Variants in ACO1 observed in about 807,000 individuals in gnomAD.
ACO1 encodes the protein aconitase 1.
A neutral mutation model predicts 105.1 loss-of-function variants in ACO1; 78 were observed. The observed-to-expected ratio is 0.74, with a 90% CI of 0.62 to 0.90. ACO1 has a LOEUF of 0.90. Ranked by LOEUF, ACO1 falls within the 40% of genes least tolerant of loss-of-function variation. The pLI, the probability that ACO1 is intolerant of heterozygous loss-of-function variation, is 0.00. For missense variants in ACO1, 965 were observed against 1,111.1 expected (o/e 0.87, Z 1.87); for synonymous variants, 364 against 397.4 (o/e 0.92, Z 1.00).
intron 8 of ACO1, among the ~76,000 whole-genome samples, chr9:32,422,931 T>C (rs1822007170): frequency 6.6e-6 from 1 of 152,178 alleles, no homozygotes; most frequent in Admixed American, 6.5e-5. Context: ...ATTTTAACGG[T>C]AATCATGTGG....
chr9:32,388,081 C>A (rs1055109908), intron 1 of ACO1, among the ~76,000 whole-genome samples: 2 of 152,182 alleles, frequency 1.3e-5, no homozygotes, highest in Admixed American at 1.3e-4. Context: ...ACATATGGGT[C>A]TTATTCCCAA....
intron 12 of ACO1, among the ~76,000 whole-genome samples, chr9:32,428,281 C>A (rs919388646): frequency 2.3e-3 from 255 of 110,468 alleles, no homozygotes; most frequent in South Asian, 3.1e-3. Context: ...GACCCTGTCT[C>A]AAAAAAAAAA....
chr9:32,440,363 C>G, intron 18 of ACO1, 102 bp from the exon 19 acceptor site: 1 of 1,318,734 alleles, frequency 7.6e-7, no homozygotes, highest in Non-Finnish European at 1.1e-6. Flanking sequence ...CGGATTTGGC[C>G]ATCTGCAAAC....
At chr9:32,441,600 A>G (rs1028286364) in intron 19 of ACO1, among the ~76,000 whole-genome samples, 8 of 139,240 alleles carry the variant, frequency 5.7e-5, no homozygotes, top group African/African-American at 1.9e-4. Context: ...TCTTTTCTGG[A>G]AACTATTGAA....
chr9:32,430,305 A>C, intron 13 of ACO1, 113 bp from the exon 14 acceptor site: 1 of 1,070,044 alleles, frequency 9.3e-7, no homozygotes, highest in Non-Finnish European at 1.3e-6. Flanking sequence ...ACCAAGTGAA[A>C]GGGCAGCTTA....
At chr9:32,442,693 C>T (rs1195701588) in intron 19 of ACO1, among the ~76,000 whole-genome samples, 3 of 152,136 alleles carry the variant, frequency 2.0e-5, no homozygotes, top group East Asian at 1.9e-4. Flanking sequence ...TGCTGATACA[C>T]CTAAAATAGT....
chr9:32,403,883 T>C lies in ACO1; in HGVS notation c.-22-1602T>C, dbSNP rs10970962. ...CAAAACAGCAGTTTTATTGTTGCAG[T>C]TGCTACTGTTTGAGGGTGAAAAAGG... is the stretch of plus-strand genomic sequence containing the variant. On this transcript the variant is annotated intron_variant, in intron 1 of 20. Transcript: ENST00000309951. 2.6e-5 allele frequency among the ~76,000 whole-genome samples: 4 copies of C among 152,332 alleles called. No individual in the cohort carries two copies. The East Asian group carries it at 7.7e-4, about 29-fold the overall frequency.
intron 4 of ACO1, among the ~76,000 whole-genome samples, chr9:32,413,206 G>A (rs1821776820): frequency 6.6e-6 from 1 of 152,142 alleles, no homozygotes; most frequent in Admixed American, 6.5e-5. Context: ...GTGAACACTA[G>A]CCGGGGCGGT....
chr9:32,423,399 C>A lies in ACO1; in HGVS notation c.1051C>A (p.Gln351Lys), dbSNP rs537657112. The change falls in exon 9 of 21, where the codon CAA becomes AAA. Residue 351 changes from glutamine to lysine, a missense_variant. Physicochemically the swap from Gln to Lys is moderately conservative, Grantham distance 53. Coordinates refer to ENST00000309951, the MANE Select transcript of ACO1 (RefSeq NM_002197.3). ...GTTTCGAGATTTCAATGACCCTTCT[C>A]AAGACCCAGACTTCACCCAGGTATG... ...GMFRDFNDPS[Q>K]DPDFTQVVEL... is the part of the protein sequence containing the mutation. The A allele has an allele frequency of 5.6e-6, 9 of 1,601,172 alleles. No homozygotes were observed. The East Asian group carries it at 1.8e-4, about 32-fold the overall frequency.
At chr9:32,417,902 A>G (rs190307620) in intron 4 of ACO1, among the ~76,000 whole-genome samples, 1 of 152,334 alleles carries the variant, frequency 6.6e-6, no homozygotes. Context: ...TCTGCCTACC[A>G]TAGTTAAAGG....
intron 9 of ACO1, among the ~76,000 whole-genome samples, 178 bp from the exon 10 acceptor site, chr9:32,424,371 T>C (rs1460709891): frequency 6.6e-6 from 1 of 152,238 alleles, no homozygotes; most frequent in Non-Finnish European, 1.5e-5. Context: ...CTTGGGAAAT[T>C]AATCACTTAA....
At chr9:32,436,465 C>T in intron 18 of ACO1, 68 bp downstream of exon 18, 1 of 1,577,196 alleles carries the variant, frequency 6.3e-7, no homozygotes, top group Non-Finnish European at 8.7e-7. Context: ...TGGATATTTA[C>T]AGTTACTCGC....
intron 18 of ACO1, among the ~76,000 whole-genome samples, chr9:32,437,935 G>A (rs1241293395): frequency 6.6e-6 from 1 of 152,004 alleles, no homozygotes; most frequent in Non-Finnish European, 1.5e-5. Flanking sequence ...AAATAGAAGT[G>A]TTAAAAAGAG....
intron 7 of ACO1, among the ~76,000 whole-genome samples, chr9:32,420,270 C>T (rs182556455): frequency 2.2e-4 from 30 of 133,454 alleles, no homozygotes; most frequent in East Asian, 1.4e-3. Flanking sequence ...TTGCTCATTA[C>T]GCCTTTGAAA....
Position 32,453,357 on chromosome 9 carries a change from GAA to G in ACO1, c.*3259_*3260del, listed in dbSNP as rs55804923. The G allele has an allele frequency of 2.1e-5, 3 of 141,288 alleles. No individual in the cohort carries two copies. The highest frequency in any genetic ancestry group is 3.0e-5 in the Non-Finnish European group (2 of 65,580). 8.8% of individuals were successfully genotyped at this position (141,288 alleles called of 1,614,324 possible). ...GAAGCACAGCTCAAATTAGCTTAAG[GAA>G]AAAAAAAAAAAAGCTGGCTCATAGA... On this transcript the variant is annotated 3_prime_UTR_variant, in exon 21 of 21. Coordinates refer to ENST00000309951, the MANE Select transcript of ACO1 (RefSeq NM_002197.3).
At chr9:32,413,840 G>A (rs1427360271) in intron 4 of ACO1, among the ~76,000 whole-genome samples, 1 of 145,576 alleles carries the variant, frequency 6.9e-6, no homozygotes, top group African/African-American at 2.5e-5. Flanking sequence ...TTTTTTTTTT[G>A]TTCCTCCAAC....
At chr9:32,394,855 G>A (rs1019218526) in intron 1 of ACO1, among the ~76,000 whole-genome samples, 7 of 152,168 alleles carry the variant, frequency 4.6e-5, no homozygotes, top group Admixed American at 6.5e-5. Flanking sequence ...CATAATCCCC[G>A]AGTTCAGTCA....
chr9:32,433,772 G>A lies in ACO1; in HGVS notation c.1896G>A (p.Lys632=), dbSNP rs908886971. 4.2e-5 allele frequency: 67 copies of A among 1,612,904 alleles called. No homozygotes were observed. Among genetic ancestry groups the A allele is most frequent in the Non-Finnish European group, 5.4e-5 (64 of 1,179,818 alleles). Residue 632 remains lysine, a synonymous_variant, in exon 16 of 21, where the codon AAG becomes AAA. Coordinates refer to ENST00000309951, the MANE Select transcript of ACO1 (RefSeq NM_002197.3). ...ATGCCTTAGCAACCCCATCAGATAA[G>A]CTGTTTTTCTGGAATTCCAAATCTA... ...SWNALATPSD[K]LFFWNSKSTY...
intron 1 of ACO1, among the ~76,000 whole-genome samples, chr9:32,393,861 T>C (rs1821317268): frequency 2.0e-5 from 3 of 152,178 alleles, no homozygotes; most frequent in African/African-American, 2.4e-5. Flanking sequence ...TGCCTTGTCT[T>C]ATTGACTGTA....
Sources: allele counts gnomAD v4.1 joint callset (sites outside exome capture counted in the v4.1 genomes callset), GRCh38; gene constraint gnomAD v4.1.1; transcripts MANE v1.5; gene names NCBI Gene and HGNC (gene_info 2026-07-23, HGNC 2026-07-21).